SOX5: variants seen among roughly 807,000 people sequenced by gnomAD.
SOX5 encodes transcription factor SOX-5.
SOX5 carries 9 observed loss-of-function variants against 92.0 expected under a neutral mutation model. The observed-to-expected ratio is 0.10, with a 90% confidence interval of 0.06 to 0.17. The LOEUF is 0.17. Among genes scored for constraint, SOX5 ranks in the 10% least tolerant of loss-of-function variants. The pLI, the probability that SOX5 is intolerant of heterozygous loss-of-function variation, is 1.00. For synonymous variants in SOX5, 344 were observed against 336.3 expected, an observed-to-expected ratio of 1.02 and a Z score of -0.25; for missense variants, 642 against 944.5, an observed-to-expected ratio of 0.68 and a Z score of 4.20.
chr12:23,805,824 T>C (rs781389072), intron 3 of SOX5, among the ~76,000 whole-genome samples: 1 of 152,164 alleles, frequency 6.6e-6, no homozygotes, highest in African/African-American at 2.4e-5. Flanking sequence ...TTCCTTCACA[T>C]TTTACAAACT....
intron 2 of SOX5, among the ~76,000 whole-genome samples, chr12:23,877,800 ATATAT>A (rs1177249895): frequency 2.6e-5 from 4 of 152,200 alleles, no homozygotes; most frequent in South Asian, 2.1e-4. Flanking sequence ...AAATGCTAGT[ATATAT>A]TATAATAATT....
chr12:23,550,177 A>G (rs114297023), intron 11 of SOX5, among the ~76,000 whole-genome samples: 1,992 of 152,026 alleles, frequency 0.013, 44 homozygotes, highest in African/African-American at 0.046. Flanking sequence ...GGAGGTGGTC[A>G]GTATCAATTC....
chr12:24,084,812 C>T (rs973150905), intron 4 of SOX5, among the ~76,000 whole-genome samples: 6 of 151,980 alleles, frequency 3.9e-5, no homozygotes, highest in African/African-American at 1.4e-4. Context: ...TAGCCCTAAC[C>T]TATCACTACA....
At chr12:24,368,224 G>A (rs905951971) in intron 2 of SOX5, 1 of 152,180 alleles carries the variant, frequency 6.6e-6, no homozygotes, top group African/African-American at 2.4e-5. Flanking sequence ...TGTTGCTAAT[G>A]TGTGATGTGC....
chr12:24,423,984 T>A (rs1966330851), intron 1 of SOX5, among the ~76,000 whole-genome samples: 1 of 152,334 alleles, frequency 6.6e-6, no homozygotes, highest in East Asian at 1.9e-4. Context: ...TTCATTTTTT[T>A]AAATAAAAAT....
chr12:23,982,800 T>C (rs1166540426), intron 4 of SOX5, among the ~76,000 whole-genome samples: 2 of 149,436 alleles, frequency 1.3e-5, no homozygotes, highest in Non-Finnish European at 1.5e-5. Flanking sequence ...TAATTGATAG[T>C]AATAATAATA....
intron 3 of SOX5, among the ~76,000 whole-genome samples, chr12:24,276,808 T>C (rs550897185): frequency 4.1e-4 from 62 of 152,262 alleles, no homozygotes; most frequent in Non-Finnish European, 7.9e-4. Flanking sequence ...TAATAGCCTA[T>C]AGAAATTTTT....
intron 4 of SOX5, among the ~76,000 whole-genome samples, chr12:24,040,063 T>A (rs949761541): frequency 1.3e-5 from 2 of 152,200 alleles, no homozygotes; most frequent in Non-Finnish European, 2.9e-5. Context: ...CATGTCAATG[T>A]GATCAAACAG....
At chr12:24,286,542 T>C (rs771026239) in intron 2 of SOX5, among the ~76,000 whole-genome samples, 1 of 151,028 alleles carries the variant, frequency 6.6e-6, no homozygotes. Flanking sequence ...TTTTTAAATA[T>C]ATAAATTTTT....
At chr12:23,627,547 T>C (rs2077990676) in intron 8 of SOX5, among the ~76,000 whole-genome samples, 2 of 152,124 alleles carry the variant, frequency 1.3e-5, no homozygotes, top group Non-Finnish European at 2.9e-5. Flanking sequence ...ATATAACAGC[T>C]AATGAGGCTG....
At chr12:24,260,396 A>T (rs1243515497) in intron 3 of SOX5, among the ~76,000 whole-genome samples, 1 of 152,234 alleles carries the variant, frequency 6.6e-6, no homozygotes, top group Non-Finnish European at 1.5e-5. Context: ...ACGATGACTT[A>T]AAAGAGTTAA....
At chr12:23,593,696 T>TA (rs1951904411) in intron 9 of SOX5, among the ~76,000 whole-genome samples, 1 of 152,176 alleles carries the variant, frequency 6.6e-6, no homozygotes, top group Non-Finnish European at 1.5e-5. Flanking sequence ...TAATTTTTTT[T>TA]ACCAAGAAAA....
At chr12:24,011,905 T>C (rs1427199838) in intron 4 of SOX5, among the ~76,000 whole-genome samples, 8 of 152,184 alleles carry the variant, frequency 5.3e-5, no homozygotes, top group African/African-American at 1.7e-4. Context: ...TTTTCTCCTA[T>C]TAATCTTTGA....
intron 1 of SOX5, among the ~76,000 whole-genome samples, chr12:23,923,080 G>C (rs577437211): frequency 1.3e-5 from 2 of 152,006 alleles, no homozygotes; most frequent in East Asian, 1.9e-4. Flanking sequence ...CGAGTAGCTG[G>C]GACTACAGGC....
At chr12:23,748,919 G>A (rs897031316) in intron 4 of SOX5, among the ~76,000 whole-genome samples, 2 of 151,860 alleles carry the variant, frequency 1.3e-5, no homozygotes, top group African/African-American at 4.8e-5. Context: ...AATACTAATG[G>A]TATTTGCTAC....
At chr12:24,397,805 T>G (rs1960423864) in intron 1 of SOX5, among the ~76,000 whole-genome samples, 1 of 151,976 alleles carries the variant, frequency 6.6e-6, no homozygotes, top group Non-Finnish European at 1.5e-5. Context: ...AGTTGCATAT[T>G]CTTTGCATCT....
chr12:23,722,349 G>C (rs1288776019), intron 6 of SOX5, among the ~76,000 whole-genome samples: 1 of 152,140 alleles, frequency 6.6e-6, no homozygotes, highest in Non-Finnish European at 1.5e-5. Flanking sequence ...ATTTACACAA[G>C]AAGGGAAGAG....
chr12:24,464,580 A>G (rs1358088040), intron 1 of SOX5, among the ~76,000 whole-genome samples: 1 of 152,124 alleles, frequency 6.6e-6, no homozygotes, highest in East Asian at 1.9e-4. Context: ...TGACCTTGTG[A>G]TCCACCCGCC....
rs35209464 is a variant in SOX5, at chr12:24,382,414, G to A, written c.-250-13775C>T. ...GTAGTATGGTAGGGAGGAAAATGGCGGAAGGGGAAGTCAATGAGGAAAGGG... is the reference window on the plus strand; with the variant it reads ...GTAGTATGGTAGGGAGGAAAATGGCAGAAGGGGAAGTCAATGAGGAAAGGG... On this transcript the variant is annotated intron_variant, in intron 1 of 4. Transcript: ENST00000446891. Among the ~76,000 whole-genome samples the A allele has an allele frequency of 2.4e-4, 37 of 152,060 alleles. 1 individual carries two copies. Among genetic ancestry groups the A allele is most frequent in the African/African-American group, 7.0e-4 (29 of 41,482 alleles).
Sources: allele counts gnomAD v4.1 joint callset (sites outside exome capture counted in the v4.1 genomes callset), GRCh38; gene constraint gnomAD v4.1.1; transcripts MANE v1.5; gene names NCBI Gene and HGNC (gene_info 2026-07-23, HGNC 2026-07-21).